ZNF804A: variants seen among roughly 807,000 people sequenced by gnomAD.
ZNF804A encodes zinc finger protein 804A.
ZNF804A carries 2 observed loss-of-function variants against 16.5 expected under a neutral mutation model. That is an observed-to-expected ratio of 0.12 (90% CI 0.05 to 0.38). The LOEUF is 0.38. ZNF804A is among the 10% of genes least tolerant of loss of function. The probability of loss-of-function intolerance (pLI) is 0.99; values close to 1 mark genes in which losing one functional copy is unlikely to be tolerated. For missense variants in ZNF804A, 1,473 were observed against 1,390.7 expected, an observed-to-expected ratio of 1.06 and a Z score of -0.94; for synonymous variants, 534 against 489.6, an observed-to-expected ratio of 1.09 and a Z score of -1.20.
intron 1 of ZNF804A, among the ~76,000 whole-genome samples, chr2:184,762,822 A>C (rs1352402087): frequency 6.6e-6 from 1 of 152,108 alleles, no homozygotes; most frequent in African/African-American, 2.4e-5. Flanking sequence ...CGTTATTTCT[A>C]AGCAGTGAGG....
rs138144022 is a variant in ZNF804A at position 184,844,308 on chromosome 2, A to G, written c.112-22061A>G. On this transcript the variant is annotated intron_variant, in intron 1 of 3. Coordinates refer to ENST00000302277, the MANE Select transcript of ZNF804A (RefSeq NM_194250.2). Reference sequence around the variant, plus strand: ...ATCAATTAAGATTCTGAAAAAATAAAATATACCACTTAACCTTCATTTATT... The same window carrying G: ...ATCAATTAAGATTCTGAAAAAATAAGATATACCACTTAACCTTCATTTATT... Among the ~76,000 whole-genome samples, 43 of 152,234 alleles carry G rather than the reference A, an allele frequency of 2.8e-4. No individual in the cohort carries two copies. The East Asian group carries it at 7.9e-3, about 28-fold the overall frequency.
chr2:184,934,269 T>A (rs1383620197), intron 3 of ZNF804A, among the ~76,000 whole-genome samples: 5 of 152,144 alleles, frequency 3.3e-5, no homozygotes, highest in African/African-American at 1.2e-4. Flanking sequence ...TTTGATCTGC[T>A]TCTAACAGTG....
At chr2:184,843,863 C>A (rs1432040297) in intron 1 of ZNF804A, among the ~76,000 whole-genome samples, 2 of 151,956 alleles carry the variant, frequency 1.3e-5, no homozygotes, top group African/African-American at 2.4e-5. Flanking sequence ...TATAATTAGG[C>A]CCTTCAGTTT....
intron 2 of ZNF804A, among the ~76,000 whole-genome samples, chr2:184,912,895 C>G (rs538326786): frequency 9.2e-5 from 14 of 152,118 alleles, no homozygotes; most frequent in African/African-American, 3.1e-4. Context: ...TCTCAAAGAT[C>G]TTGATTTTAT....
At chr2:184,663,872 C>A (rs1559120791) in intron 1 of ZNF804A, among the ~76,000 whole-genome samples, 1 of 152,120 alleles carries the variant, frequency 6.6e-6, no homozygotes, top group African/African-American at 2.4e-5. Flanking sequence ...TCCTTCATAG[C>A]ACAAAGCTTA....
In ZNF804A at chr2:184,599,858, C is replaced by T. The variant is rs535500816; in HGVS notation, c.111+788C>T. ...TTGAGATAGTGCAGGATGATTGCTC[C>T]TACTTCTCATCCAAATCCCCCTTTA... On this transcript the variant is annotated intron_variant, in intron 1 of 3. Coordinates refer to ENST00000302277, the MANE Select transcript of ZNF804A (RefSeq NM_194250.2). 7.2e-5 allele frequency among the ~76,000 whole-genome samples: 11 copies of T among 152,258 alleles called. No individual in the cohort carries two copies. In the South Asian group the frequency reaches 1.7e-3, roughly 23 times the overall value.
intron 1 of ZNF804A, among the ~76,000 whole-genome samples, chr2:184,716,755 A>C (rs1296779343): frequency 6.6e-6 from 1 of 152,174 alleles, no homozygotes; most frequent in Admixed American, 6.5e-5. Flanking sequence ...AGCAGGTTTA[A>C]GAAGTGTTTT....
chr2:184,755,303 G>A (rs1693942479), intron 1 of ZNF804A, among the ~76,000 whole-genome samples: 1 of 151,862 alleles, frequency 6.6e-6, no homozygotes. Context: ...CGTAGAGTCA[G>A]TTTTGGCCAA....
At chr2:184,906,355 G>T (rs537132372) in intron 2 of ZNF804A, among the ~76,000 whole-genome samples, 62 of 152,258 alleles carry the variant, frequency 4.1e-4, no homozygotes, top group African/African-American at 1.4e-3. Flanking sequence ...ATGGAGTGCA[G>T]TGATGCAATC....
intron 2 of ZNF804A, among the ~76,000 whole-genome samples, chr2:184,928,577 T>G (rs553060706): frequency 6.6e-6 from 1 of 152,210 alleles, no homozygotes; most frequent in South Asian, 2.1e-4. Context: ...GCAATAGCAC[T>G]TGCCTAGGAG....
At chr2:184,623,722 C>T (rs1003774500) in intron 1 of ZNF804A, among the ~76,000 whole-genome samples, 1 of 152,138 alleles carries the variant, frequency 6.6e-6, no homozygotes, top group African/African-American at 2.4e-5. Context: ...GCACTGACCA[C>T]AATCTTTAAA....
intron 2 of ZNF804A, among the ~76,000 whole-genome samples, chr2:184,874,798 T>C (rs1696028121): frequency 6.6e-6 from 1 of 152,154 alleles, no homozygotes; most frequent in Admixed American, 6.6e-5. Context: ...CTTATGTTCT[T>C]ATAGCATGTT....
chr2:184,839,112 G>T (rs1695397131), intron 1 of ZNF804A, among the ~76,000 whole-genome samples: 1 of 151,998 alleles, frequency 6.6e-6, no homozygotes, highest in African/African-American at 2.4e-5. Context: ...ACTTTAAGAA[G>T]TACTTTGAAA....
At chr2:184,858,860 C>A (rs1275733367) in intron 1 of ZNF804A, among the ~76,000 whole-genome samples, 2 of 152,120 alleles carry the variant, frequency 1.3e-5, no homozygotes, top group African/African-American at 2.4e-5. Context: ...GATAAGTTAA[C>A]CCCTCAGCTT....
chr2:184,735,420 C>T (rs974835649), intron 1 of ZNF804A, among the ~76,000 whole-genome samples: 7 of 151,958 alleles, frequency 4.6e-5, no homozygotes, highest in Non-Finnish European at 1.0e-4. Context: ...GGGAGGGGAA[C>T]ATCACACACC....
intron 1 of ZNF804A, among the ~76,000 whole-genome samples, chr2:184,767,530 A>G (rs1046148474): frequency 1.1e-4 from 17 of 152,100 alleles, no homozygotes; most frequent in African/African-American, 4.1e-4. Flanking sequence ...AACAATATGA[A>G]TGTATTGAAC....
At chr2:184,696,512 G>A (rs1226264500) in intron 1 of ZNF804A, among the ~76,000 whole-genome samples, 1 of 152,100 alleles carries the variant, frequency 6.6e-6, no homozygotes, top group Non-Finnish European at 1.5e-5. Flanking sequence ...AAGGATGAGA[G>A]TTTCTGGGAA....
intron 2 of ZNF804A, among the ~76,000 whole-genome samples, chr2:184,880,648 C>A (rs903019366): frequency 6.6e-6 from 1 of 151,426 alleles, no homozygotes. Context: ...GCTGCTGTAA[C>A]AGATTACATT....
At chr2:184,808,585 A>G (rs1163842556) in intron 1 of ZNF804A, among the ~76,000 whole-genome samples, 1 of 151,542 alleles carries the variant, frequency 6.6e-6, no homozygotes, top group Non-Finnish European at 1.5e-5. Context: ...TTTAGTTTTC[A>G]AATTATTTAA....
Sources: allele counts gnomAD v4.1 joint callset (sites outside exome capture counted in the v4.1 genomes callset), GRCh38; gene constraint gnomAD v4.1.1; transcripts MANE v1.5; gene names NCBI Gene and HGNC (gene_info 2026-07-23, HGNC 2026-07-21).